TMEM272: variants seen among roughly 807,000 people sequenced by gnomAD.
The protein encoded by TMEM272 is transmembrane protein 272.
In TMEM272, 8 loss-of-function variants were observed where a neutral mutation model predicts 3.7. The observed-to-expected ratio is 2.17, with a 90% CI of 1.27 to 3.91. The LOEUF is 3.91. Ranked by LOEUF, TMEM272 falls within the 30% of genes most tolerant of loss-of-function variation. The pLI is 0.00. For missense variants in TMEM272, 166 were observed against 91.5 expected (o/e 1.81, Z -3.32); for synonymous variants, 63 against 39.8 (o/e 1.58, Z -2.20).
chr13:51,910,435 A>G, the TMEM272 span: 134 of 932,112 alleles, frequency 1.4e-4, no homozygotes, highest in Non-Finnish European at 2.3e-4. Context: ...ACCGATCTAA[A>G]ACTTCTCCAC....
At chr13:51,913,206 C>T in the TMEM272 span, among the ~76,000 whole-genome samples, 4 of 152,272 alleles carry the variant, frequency 2.6e-5, no homozygotes, top group East Asian at 7.7e-4. Flanking sequence ...ACATCCCTTT[C>T]CCCCAAATGG....
the TMEM272 span, chr13:51,908,531 T>G: frequency 1.4e-6 from 2 of 1,460,312 alleles, no homozygotes; most frequent in East Asian, 2.3e-5. Context: ...ACAATGGACC[T>G]CTGATTGAAG....
upstream of TMEM272, among the ~76,000 whole-genome samples, chr13:51,847,766 A>C (rs1311161810): frequency 1.3e-5 from 2 of 152,164 alleles, no homozygotes; most frequent in Admixed American, 6.5e-5. Context: ...GACGTGGCCA[A>C]AAAGGGGCAG....
At chr13:51,873,346 A>G in the TMEM272 span, among the ~76,000 whole-genome samples, 6 of 152,236 alleles carry the variant, frequency 3.9e-5, no homozygotes, top group South Asian at 1.0e-3. Context: ...TATAAATAGC[A>G]CCGAATAGTG....
the TMEM272 span, chr13:51,910,108 T>A: frequency 9.3e-7 from 1 of 1,074,834 alleles, no homozygotes; most frequent in Non-Finnish European, 1.4e-6. Context: ...GACTGTATCT[T>A]TTTGGAAATA....
chr13:51,896,339 C>CT, the TMEM272 span, among the ~76,000 whole-genome samples: 1 of 151,840 alleles, frequency 6.6e-6, no homozygotes, highest in Non-Finnish European at 1.5e-5. Flanking sequence ...ATGAGAGAGA[C>CT]AGAGAAACAC....
At chr13:51,892,717 C>T in the TMEM272 span, among the ~76,000 whole-genome samples, 1 of 152,154 alleles carries the variant, frequency 6.6e-6, no homozygotes, top group Non-Finnish European at 1.5e-5. Flanking sequence ...CCCATGGTTT[C>T]AGCCATAGGG....
At chr13:51,818,930 T>G (rs1178818593) in intron 4 of TMEM272, among the ~76,000 whole-genome samples, 6 of 152,122 alleles carry the variant, frequency 3.9e-5, no homozygotes, top group Non-Finnish European at 7.4e-5. Flanking sequence ...AGTAAGAGAA[T>G]GAGAAGGGCA....
At chr13:51,831,655 G>T (rs114659112) in intron 2 of TMEM272, among the ~76,000 whole-genome samples, 1,545 of 152,328 alleles carry the variant, frequency 0.01, 28 homozygotes, top group African/African-American at 0.035. Context: ...GAATTGGGGA[G>T]CCCCACTCTC....
rs552703642 is a variant in TMEM272, at chr13:51,815,703, A to G, written c.*1048T>C. On this transcript the variant is annotated 3_prime_UTR_variant, in exon 5 of 5. Transcript: ENST00000629372. ...CTAAAACATGGGACTTTTTGCTCAT[A>G]AAGAGGCTCCCCAGCGAGCACTGAC... The G allele has an allele frequency of 6.6e-6, 1 of 152,310 alleles. No individual in the cohort carries two copies. Among genetic ancestry groups the G allele is most frequent in the East Asian group, 1.9e-4 (1 of 5,182 alleles). 9.4% of individuals were successfully genotyped at this position (152,310 alleles called of 1,614,324 possible). A position where few individuals can be genotyped will look rare whatever the true frequency, so the allele number is the denominator to read the frequency against.
rs113582636 is a variant in TMEM272 at position 51,844,245 on chromosome 13, CAT to C, written c.-24+769_-24+770del. Among the ~76,000 whole-genome samples the C allele has an allele frequency of 6.1e-3, 916 of 151,082 alleles. 8 individuals carry two copies. The highest frequency in any genetic ancestry group is 0.022 in the African/African-American group (881 of 40,824). The stretch of plus-strand genomic sequence containing the variant: ...ATGTGTGTATGTGTAGACACACACA[CAT>C]ATATATATATGATTGTGTTTTTACT... On this transcript the variant is annotated intron_variant, in intron 1 of 4. Coordinates refer to ENST00000629372, the MANE Select transcript of TMEM272 (RefSeq NM_001351003.2).
At chr13:51,860,729 ATGTGTGTG>A in the TMEM272 span, among the ~76,000 whole-genome samples, 1 of 31,488 alleles carries the variant, frequency 3.2e-5, no homozygotes, top group African/African-American at 1.4e-4. Flanking sequence ...ACATATATAT[ATGTGTGTG>A]TGTATATATA....
intron 4 of TMEM272, among the ~76,000 whole-genome samples, chr13:51,818,711 C>T (rs762387913): frequency 2.6e-4 from 40 of 152,172 alleles, no homozygotes; most frequent in Non-Finnish European, 5.1e-4. Context: ...TGATTTTCTT[C>T]TTTGTGCTTA....
the TMEM272 span, among the ~76,000 whole-genome samples, chr13:51,902,243 T>C: frequency 6.6e-6 from 1 of 152,208 alleles, no homozygotes; most frequent in Non-Finnish European, 1.5e-5. Flanking sequence ...AGTTTCCCAG[T>C]TGCCTTGTTA....
At position 51,816,916 on chromosome 13, in the gene TMEM272, A is replaced by G; in HGVS notation, c.399T>C (p.Asp133=). The change falls in exon 5 of 5, where the codon GAT becomes GAC. Residue 133 remains aspartate, a synonymous_variant. Transcript: ENST00000629372. ...GAGGCTGCTGGAAAGGGGGAAGAAAATCAGGCAGGTACACAGAAAAGACCC... is the reference window on the plus strand; with the variant it reads ...GAGGCTGCTGGAAAGGGGGAAGAAAGTCAGGCAGGTACACAGAAAAGACCC... ...NYWVFSVYLP[D]FLPPFQQPQD... is the part of the protein sequence containing the mutation. 1 of 703,014 alleles carries G rather than the reference A, an allele frequency of 1.4e-6. No homozygotes were observed. The highest frequency in any genetic ancestry group is 1.5e-5 in the South Asian group (1 of 67,604). 43.5% of individuals were successfully genotyped at this position (703,014 alleles called of 1,614,324 possible). A position where few individuals can be genotyped will look rare whatever the true frequency, so the allele number is the denominator to read the frequency against.
At chr13:51,839,075 C>T (rs949328736) in intron 1 of TMEM272, among the ~76,000 whole-genome samples, 6 of 151,970 alleles carry the variant, frequency 3.9e-5, no homozygotes, top group Admixed American at 2.6e-4. Context: ...CACTTCCTGA[C>T]GCAGCTGCTG....
At chr13:51,901,232 T>C in the TMEM272 span, among the ~76,000 whole-genome samples, 1 of 152,312 alleles carries the variant, frequency 6.6e-6, no homozygotes, top group Non-Finnish European at 1.5e-5. Context: ...GAAGAGAACC[T>C]GGGTCCACAC....
At chr13:51,845,884 AG>A (rs1956300782), upstream of TMEM272, among the ~76,000 whole-genome samples, 1 of 152,238 alleles carries the variant, frequency 6.6e-6, no homozygotes, top group African/African-American at 2.4e-5. Flanking sequence ...AGTCTCCTGT[AG>A]GTGCTCCATG....
At chr13:51,877,338 C>T in the TMEM272 span, among the ~76,000 whole-genome samples, 1 of 152,224 alleles carries the variant, frequency 6.6e-6, no homozygotes, top group African/African-American at 2.4e-5. Context: ...GAAGACAGGG[C>T]AGAGGTTCTG....
Sources: allele counts gnomAD v4.1 joint callset (sites outside exome capture counted in the v4.1 genomes callset), GRCh38; gene constraint gnomAD v4.1.1; transcripts MANE v1.5; gene names NCBI Gene and HGNC (gene_info 2026-07-23, HGNC 2026-07-21).